Variants in CD44 observed in about 807,000 individuals in gnomAD.
CD44 encodes the protein CD44 molecule (IN blood group).
A neutral mutation model predicts 88.8 loss-of-function variants in CD44; 49 were observed. That is an observed-to-expected ratio of 0.55 (90% CI 0.44 to 0.70). CD44 has a LOEUF of 0.70. CD44 is among the 30% of genes least tolerant of loss of function. CD44 has a pLI of 0.00. For synonymous variants in CD44, 325 were observed against 312.3 expected (o/e 1.04, Z -0.43); for missense variants, 883 against 913.8 (o/e 0.97, Z 0.43).
At chr11:35,157,067 C>G (rs909372119) in intron 1 of CD44, among the ~76,000 whole-genome samples, 25 of 151,762 alleles carry the variant, frequency 1.6e-4, no homozygotes, top group African/African-American at 6.1e-4. Flanking sequence ...AGCCTGTCTA[C>G]TCTATTGGTC....
intron 1 of CD44, among the ~76,000 whole-genome samples, chr11:35,175,864 CTTTTTTTTTTT>C (rs71457374): frequency 5.2e-4 from 64 of 123,150 alleles, no homozygotes; most frequent in African/African-American, 1.8e-3. Flanking sequence ...TTTGTTTGTT[CTTTTTTTTTTT>C]TTTTTTTTGA....
chr11:35,204,387 C>T, intron 9 of CD44, 125 bp from the exon 10 acceptor site: 1 of 811,010 alleles, frequency 1.2e-6, no homozygotes, highest in South Asian at 1.7e-5. Flanking sequence ...GGCCTGTTTC[C>T]TTGGTGCCTT....
chr11:35,186,965 C>T (rs1945744326), intron 4 of CD44, 65 bp downstream of exon 4: 1 of 954,498 alleles, frequency 1.0e-6, no homozygotes, highest in African/African-American at 1.6e-5. Context: ...GGTGTGTTCT[C>T]TGTGGTATAT....
At chr11:35,203,108 C>A (rs780564936) in intron 9 of CD44, among the ~76,000 whole-genome samples, 3 of 152,064 alleles carry the variant, frequency 2.0e-5, no homozygotes, top group Non-Finnish European at 4.4e-5. Flanking sequence ...TGAATATTTG[C>A]GAAACTCAAA....
intron 5 of CD44, 31 bp downstream of exon 5, chr11:35,190,096 T>A: frequency 1.3e-6 from 2 of 1,573,602 alleles, no homozygotes; most frequent in Non-Finnish European, 1.7e-6. Flanking sequence ...TGCTTCCCAA[T>A]AGCAATTCCC....
At chr11:35,154,582 G>A (rs965497328) in intron 1 of CD44, among the ~76,000 whole-genome samples, 2 of 152,212 alleles carry the variant, frequency 1.3e-5, no homozygotes, top group Non-Finnish European at 2.9e-5. Flanking sequence ...AAACAACTAT[G>A]TCTTGTAAAT....
intron 4 of CD44, among the ~76,000 whole-genome samples, chr11:35,188,546 G>C (rs1945931036): frequency 6.6e-6 from 1 of 152,204 alleles, no homozygotes; most frequent in African/African-American, 2.4e-5. Context: ...AGACATGTAA[G>C]AGTGTGGTCA....
chr11:35,214,978 C>A lies in CD44; in HGVS notation c.1873+64C>A, dbSNP rs374821507. 5.0e-6 allele frequency: 5 copies of A among 996,484 alleles called. No individual in the cohort carries two copies. In the East Asian group the frequency reaches 1.1e-4, roughly 22 times the overall value. The allele number at this position is 996,484 out of a possible 1,614,324, so 61.7% of individuals were successfully genotyped here. On this transcript the variant is annotated intron_variant, in intron 15 of 17. Coordinates refer to ENST00000428726, the MANE Select transcript of CD44 (RefSeq NM_000610.4). Reference sequence around the variant, plus strand: ...CATTGAGCCTAATGATGACTACCAACGAAGTATGAGTCAGTGTCTCCAGAG... The same window carrying A: ...CATTGAGCCTAATGATGACTACCAAAGAAGTATGAGTCAGTGTCTCCAGAG...
rs138753302 is a variant in CD44, at chr11:35,212,348, T to C, written c.1810+899T>C. Among the ~76,000 whole-genome samples, 108 of 152,150 alleles carry C rather than the reference T, an allele frequency of 7.1e-4. 1 individual carries two copies. Among genetic ancestry groups the C allele is most frequent in the African/African-American group, 2.3e-3 (94 of 41,528 alleles). ...ACATAATTTTGGAGCAGAGATCTTC[T>C]CTCCTCCCCCCAAAAAAGAAAAAGA... On this transcript the variant is annotated intron_variant, in intron 14 of 17. Transcript: ENST00000428726.
At chr11:35,198,063 CT>C (rs1946935120) in intron 6 of CD44, 57 bp from the exon 7 acceptor site, 2 of 1,577,264 alleles carry the variant, frequency 1.3e-6, no homozygotes, top group Admixed American at 3.6e-5. Flanking sequence ...GATTTTCTTC[CT>C]TTGCAAGTGG....
chr11:35,219,267 T>C, intron 15 of CD44, 49 bp from the exon 16 acceptor site: 1 of 1,403,820 alleles, frequency 7.1e-7, no homozygotes, highest in Non-Finnish European at 1.0e-6. Context: ...AAGGAACTCA[T>C]GGTTACACAT....
At chr11:35,161,933 T>C (rs1339658714) in intron 1 of CD44, among the ~76,000 whole-genome samples, 2 of 152,188 alleles carry the variant, frequency 1.3e-5, no homozygotes, top group African/African-American at 4.8e-5. Context: ...GAGTGAGCCT[T>C]AGACATACAG....
At chr11:35,184,118 C>T (rs1046403202) in intron 3 of CD44, among the ~76,000 whole-genome samples, 5 of 152,002 alleles carry the variant, frequency 3.3e-5, no homozygotes, top group African/African-American at 1.2e-4. Context: ...GTACAGAGCT[C>T]ATTAAATGGA....
At chr11:35,157,321 GTCTATCTATCTA>G (rs3838798) in intron 1 of CD44, among the ~76,000 whole-genome samples, 1,586 of 147,268 alleles carry the variant, frequency 0.011, 47 homozygotes, top group East Asian at 0.064. Flanking sequence ...CTGTCTGTCT[GTCTATCTATCTA>G]TCTATCTATC....
At chr11:35,199,895 T>G (rs1254244610) in intron 7 of CD44, among the ~76,000 whole-genome samples, 4 of 150,950 alleles carry the variant, frequency 2.6e-5, no homozygotes, top group African/African-American at 9.7e-5. Context: ...GTAAATGAAT[T>G]GTATGGTCAG....
At chr11:35,147,694 A>G (rs534545871) in intron 1 of CD44, among the ~76,000 whole-genome samples, 212 of 152,208 alleles carry the variant, frequency 1.4e-3, no homozygotes, top group African/African-American at 4.8e-3. Flanking sequence ...CCACACACCA[A>G]TCGTGGAACT....
At chr11:35,207,235 G>C (rs918550826) in intron 11 of CD44, among the ~76,000 whole-genome samples, 1 of 152,192 alleles carries the variant, frequency 6.6e-6, no homozygotes, top group African/African-American at 2.4e-5. Context: ...GTTGAATCTT[G>C]AATATTTAGT....
intron 2 of CD44, among the ~76,000 whole-genome samples, chr11:35,178,797 A>G (rs970355749): frequency 6.6e-6 from 1 of 152,130 alleles, no homozygotes; most frequent in African/African-American, 2.4e-5. Flanking sequence ...GTTCACCAAG[A>G]AGTATTATTT....
intron 17 of CD44, chr11:35,222,611 ATATATACACATACAT>A: frequency 1.6e-6 from 1 of 630,982 alleles, no homozygotes; most frequent in Non-Finnish European, 2.0e-6. Context: ...ATATATATAT[ATATATACACATACAT>A]TATATATACA....
Sources: allele counts gnomAD v4.1 joint callset (sites outside exome capture counted in the v4.1 genomes callset), GRCh38; gene constraint gnomAD v4.1.1; transcripts MANE v1.5; gene names NCBI Gene and HGNC (gene_info 2026-07-23, HGNC 2026-07-21).